Variants in SLC17A9 observed in about 807,000 individuals in gnomAD.
The protein encoded by SLC17A9 is voltage-gated purine nucleotide uniporter SLC17A9.
In SLC17A9, 49 loss-of-function variants were observed where a neutral mutation model predicts 55.0. The ratio of observed to expected loss-of-function variants is 0.89; its 90% CI spans 0.71 to 1.13. The LOEUF is 1.13. SLC17A9 is among the 50% of genes most tolerant of loss of function. SLC17A9 has a pLI of 0.00. For missense variants in SLC17A9, 526 were observed against 569.3 expected (o/e 0.92, Z 0.77); for synonymous variants, 256 against 247.4 (o/e 1.03, Z -0.32).
chr20:62,952,998 G>A (rs1018878052), intron 1 of SLC17A9, 109 bp downstream of exon 1: 1 of 1,317,912 alleles, frequency 7.6e-7, no homozygotes, highest in Non-Finnish European at 1.0e-6. Flanking sequence ...GGGCTGAGCT[G>A]GGCGGGCTCC....
intron 3 of SLC17A9, 104 bp from the exon 4 acceptor site, chr20:62,960,400 G>A: frequency 1.9e-6 from 2 of 1,053,628 alleles, no homozygotes; most frequent in Non-Finnish European, 2.8e-6. Flanking sequence ...TGAGCTAGAG[G>A]GACAGGTGGA....
rs538069374 is a variant in SLC17A9, at chr20:62,963,656, C to T, written c.798C>T (p.Phe266=). ...TCCTCTCCTGGCTGCCCACCTTCTT[C>T]GAGGAGACCTTCCCCGACGCCAAGG... is the stretch of plus-strand genomic sequence containing the variant. ...FILLSWLPTF[F]EETFPDAKGW... is the part of the protein sequence containing the mutation. Residue 266 remains phenylalanine, a synonymous_variant, in exon 7 of 13, where the codon TTC becomes TTT. Coordinates refer to ENST00000370351, the MANE Select transcript of SLC17A9 (RefSeq NM_022082.4). 15 of 1,601,262 alleles carry T rather than the reference C, an allele frequency of 9.4e-6. No individual in the cohort carries two copies. In the Admixed American group the frequency reaches 1.4e-4, roughly 15 times the overall value.
chr20:62,952,775 T>A lies in SLC17A9; in HGVS notation c.-56T>A. 2.0e-6 allele frequency: 3 copies of A among 1,521,484 alleles called. No individual in the cohort carries two copies. Among genetic ancestry groups the A allele is most frequent in the Non-Finnish European group, 2.6e-6 (3 of 1,137,262 alleles). 94.2% of individuals were successfully genotyped at this position (1,521,484 alleles called of 1,614,324 possible). A position where few individuals can be genotyped will look rare whatever the true frequency, so the allele number is the denominator to read the frequency against. ...GCTGCCCGGGTGGGTCAGCCTGGGC[T>A]GGGAGGCAGCCCCGGGACACAGCTG... On this transcript the variant is annotated 5_prime_UTR_variant, in exon 1 of 13. Transcript: ENST00000370351.
chr20:62,953,392 G>A, intron 1 of SLC17A9: 1 of 1,260,726 alleles, frequency 7.9e-7, no homozygotes, highest in Non-Finnish European at 1.1e-6. Context: ...GCATTTGGTG[G>A]TGGGGAGAAG....
At chr20:62,956,647 A>ACAATGCC in intron 1 of SLC17A9, 118 bp from the exon 2 acceptor site, 2 of 947,528 alleles carry the variant, frequency 2.1e-6, no homozygotes, top group Non-Finnish European at 3.1e-6. Context: ...GCCCTCCATC[A>ACAATGCC]AAGCTGTCCC....
intron 8 of SLC17A9, 39 bp from the exon 9 acceptor site, chr20:62,965,093 A>G (rs753364309): frequency 6.8e-6 from 11 of 1,613,406 alleles, no homozygotes; most frequent in Middle Eastern, 3.3e-4. Flanking sequence ...TCAGCACGAA[A>G]GGGCTAACGG....
intron 12 of SLC17A9, 118 bp from the exon 13 acceptor site, chr20:62,967,219 G>T (rs895551588): frequency 2.5e-6 from 3 of 1,210,350 alleles, no homozygotes; most frequent in Admixed American, 2.0e-5. Context: ...AACCATGGGG[G>T]CTCCTATCAG....
At position 62,967,700 on chromosome 20, in the gene SLC17A9, C is replaced by G. The variant is rs992719420; in HGVS notation, c.*200C>G. On this transcript the variant is annotated 3_prime_UTR_variant, in exon 13 of 13. Transcript: ENST00000370351. The stretch of plus-strand genomic sequence containing the variant: ...GGTGGGCCTGGGTCCAGACCAGGCT[C>G]GCTGCTCTCTGGGCCTCAGTTTCCC... 2 of 563,964 alleles carry G rather than the reference C, an allele frequency of 3.5e-6. No individual in the cohort carries two copies. Among genetic ancestry groups the G allele is most frequent in the Admixed American group, 3.3e-5 (1 of 30,414 alleles). 34.9% of individuals were successfully genotyped at this position (563,964 alleles called of 1,614,324 possible). A position where few individuals can be genotyped will look rare whatever the true frequency, so the allele number is the denominator to read the frequency against.
chr20:62,954,961 T>TC (rs565689742), intron 1 of SLC17A9, among the ~76,000 whole-genome samples: 8 of 151,264 alleles, frequency 5.3e-5, no homozygotes, highest in African/African-American at 1.2e-4. Flanking sequence ...GTCCCCCACC[T>TC]CCCCCCCTTT....
At chr20:62,953,917 C>T (rs543037870) in intron 1 of SLC17A9, among the ~76,000 whole-genome samples, 38 of 152,354 alleles carry the variant, frequency 2.5e-4, no homozygotes, top group African/African-American at 8.9e-4. Context: ...CGGGCCCTGC[C>T]CCTTGCTCTC....
At chr20:62,954,953 C>T (rs2065523629) in intron 1 of SLC17A9, among the ~76,000 whole-genome samples, 1 of 151,998 alleles carries the variant, frequency 6.6e-6, no homozygotes, top group Non-Finnish European at 1.5e-5. Flanking sequence ...GGACACAGGT[C>T]CCCCACCTCC....
Position 62,962,552 on chromosome 20 carries a change from G to A in SLC17A9, c.498-72G>A. 1 of 1,562,362 alleles carries A rather than the reference G, an allele frequency of 6.4e-7. No homozygotes were observed. Among genetic ancestry groups the A allele is most frequent in the East Asian group, 2.3e-5 (1 of 44,130 alleles). On this transcript the variant is annotated intron_variant, in intron 4 of 12. Transcript: ENST00000370351. This position sits in a 1 kb window ranked among gnomAD's most constrained non-coding sequence, Gnocchi z 5.5. ...GGGGCTCAGCCTGCACCAGGGTGGG[G>A]TTTCTGAGAGGCCCCTCCTCACCCG...
Position 62,969,424 on chromosome 20 carries a change from C to T in SLC17A9, c.*1924C>T, listed in dbSNP as rs6011500. The T allele has an allele frequency of 0.11, 16,055 of 152,156 alleles. 1,020 individuals carry two copies. The highest frequency in any genetic ancestry group is 0.18 in the African/African-American group (7,340 of 41,498). The allele number at this position is 152,156 out of a possible 1,614,324, so 9.4% of individuals were successfully genotyped here. A position where few individuals can be genotyped will look rare whatever the true frequency, so the allele number is the denominator to read the frequency against. ...ACCCCATTCCACTTTGTGTCTCGAC[C>T]GTAAGTGTGGCTGCTCTGGGACCAG... On this transcript the variant is annotated 3_prime_UTR_variant, in exon 13 of 13. Coordinates refer to ENST00000370351, the MANE Select transcript of SLC17A9 (RefSeq NM_022082.4).
chr20:62,960,436 C>T, intron 3 of SLC17A9, 68 bp from the exon 4 acceptor site: 1 of 1,461,340 alleles, frequency 6.8e-7, no homozygotes, highest in South Asian at 1.2e-5. Context: ...CAGCCCAAAC[C>T]TGAGCAGATA....
rs1047139 is a variant in SLC17A9 at position 62,968,439 on chromosome 20, C to T, written c.*939C>T. On this transcript the variant is annotated 3_prime_UTR_variant, in exon 13 of 13. Transcript: ENST00000370351. ...AGAACACACAGACCCACCTTTCTGG[C>T]GTTCTTTCTACCTCCCTTTTCGTTG... 6.6e-6 allele frequency: 1 copy of T among 152,380 alleles called. No individual in the cohort carries two copies. Among genetic ancestry groups the T allele is most frequent in the African/African-American group, 2.4e-5 (1 of 41,582 alleles). The allele number at this position is 152,380 out of a possible 1,614,324, so 9.4% of individuals were successfully genotyped here.
At chr20:62,967,193 TGAATTCAGCCCTGG>T (rs2065648583) in intron 12 of SLC17A9, 130 bp from the exon 13 acceptor site, 2 of 975,416 alleles carry the variant, frequency 2.1e-6, no homozygotes, top group Non-Finnish European at 3.1e-6. Context: ...GCTGGGACAC[TGAATTCAGCCCTGG>T]GAACCATGGG....
In SLC17A9 at chr20:62,963,279, T is replaced by C; in HGVS notation, c.635T>C (p.Ile212Thr). 2 of 1,613,670 alleles carry C rather than the reference T, an allele frequency of 1.2e-6. No homozygotes were observed. Among genetic ancestry groups the C allele is most frequent in the Admixed American group, 1.7e-5 (1 of 60,022 alleles). The change falls in exon 6 of 13, where the codon ATC becomes ACC. Residue 212 changes from isoleucine to threonine, a missense_variant. Ile to Thr is a moderately conservative substitution (Grantham distance 89, BLOSUM62 -1). Transcript: ENST00000370351. ...YRYLLSEKDL[I>T]LALGVLAQSR... Reference sequence around the variant, plus strand: ...GAAACCGTTGCTCCCTCAGATCTCATCCTGGCCTTGGGTGTCCTGGCCCAA... The same window carrying C: ...GAAACCGTTGCTCCCTCAGATCTCACCCTGGCCTTGGGTGTCCTGGCCCAA...
chr20:62,955,296 C>T (rs1324785005), intron 1 of SLC17A9, among the ~76,000 whole-genome samples: 12 of 151,708 alleles, frequency 7.9e-5, no homozygotes, highest in East Asian at 1.9e-4. Context: ...TACAGGCACC[C>T]GCCACTACGC....
Position 62,957,590 on chromosome 20 carries a change from G to A in SLC17A9, c.397+10G>A, listed in dbSNP as rs776153595. 4.6e-6 allele frequency: 7 copies of A among 1,528,054 alleles called. No individual in the cohort carries two copies. Among genetic ancestry groups the A allele is most frequent in the Admixed American group, 4.4e-5 (2 of 45,954 alleles). 94.7% of individuals were successfully genotyped at this position (1,528,054 alleles called of 1,614,324 possible). ...ATGGGCTTGCTCCAAGGTAAGGGGA[G>A]CTCAGGCGGCTCCCTCACGCTCTCT... is the stretch of plus-strand genomic sequence containing the variant. On this transcript the variant is annotated intron_variant, in intron 3 of 12. Coordinates refer to ENST00000370351, the MANE Select transcript of SLC17A9 (RefSeq NM_022082.4).
Sources: gnomAD v4.1 joint callset for allele counts (sites outside exome capture counted in the v4.1 genomes callset) on GRCh38, gnomAD v4.1.1 for gene constraint, Gnocchi (gnomAD v3.1) non-coding constraint, MANE v1.5 for transcripts, NCBI Gene and HGNC (gene_info 2026-07-23, HGNC 2026-07-21) for gene names.